CDYL: variants seen among roughly 807,000 people sequenced by gnomAD.
The protein encoded by CDYL is chromodomain Y-like protein.
In CDYL, 8 loss-of-function variants were observed where a neutral mutation model predicts 47.3. That is an observed-to-expected ratio of 0.17 (90% CI 0.10 to 0.31). The LOEUF is 0.31. Ranked by LOEUF, CDYL falls within the 10% of genes least tolerant of loss-of-function variation. The pLI is 1.00. For missense variants in CDYL, 471 were observed against 701.4 expected (o/e 0.67, Z 3.71); for synonymous variants, 266 against 265.0 (o/e 1.00, Z -0.04).
intron 2 of CDYL, among the ~76,000 whole-genome samples, chr6:4,918,379 C>CCT (rs1491380375): frequency 4.0e-5 from 6 of 150,784 alleles, no homozygotes; most frequent in African/African-American, 7.3e-5. Context: ...GCCCCCCCCC[C>CCT]TTTTTTTTGG....
chr6:4,763,755 C>T (rs1187828852), intron 3 of CDYL, among the ~76,000 whole-genome samples: 2 of 152,160 alleles, frequency 1.3e-5, no homozygotes, highest in African/African-American at 2.4e-5. Flanking sequence ...CCAGCCCTGT[C>T]AACATAGTGA....
intron 1 of CDYL, among the ~76,000 whole-genome samples, chr6:4,822,671 G>A (rs1441330225): frequency 1.3e-5 from 2 of 152,138 alleles, no homozygotes; most frequent in African/African-American, 4.8e-5. Flanking sequence ...GGATAAGAGG[G>A]CCCTTTGCCA....
chr6:4,761,099 T>C (rs1000162590), intron 3 of CDYL, among the ~76,000 whole-genome samples: 2 of 152,174 alleles, frequency 1.3e-5, no homozygotes, highest in Non-Finnish European at 1.5e-5. Context: ...TGTGGCAAAA[T>C]TGTTTTTGCT....
intron 1 of CDYL, among the ~76,000 whole-genome samples, chr6:4,850,890 A>G (rs1174208252): frequency 1.3e-5 from 2 of 152,230 alleles, no homozygotes; most frequent in African/African-American, 4.8e-5. Flanking sequence ...CAGAATTCTT[A>G]ACTAACAAGC....
chr6:4,771,649 T>C (rs904005133), upstream of CDYL, among the ~76,000 whole-genome samples: 9 of 152,214 alleles, frequency 5.9e-5, no homozygotes, highest in African/African-American at 2.2e-4. Flanking sequence ...TGGTGGGTCT[T>C]GTGTTTCTAT....
rs1024083178 is a variant in CDYL, at chr6:4,809,569, G to A, written c.24+32762G>A. 4.7e-5 allele frequency among the ~76,000 whole-genome samples: 7 copies of A among 148,274 alleles called. No homozygotes were observed. In the East Asian group the frequency reaches 1.2e-3, roughly 25 times the overall value. On this transcript the variant is annotated intron_variant, in intron 1 of 6. Transcript: ENST00000397588. ...TTAGTCCTTGGTGATATTTTGTATA[G>A]TAGGGGTATTATATTAGTCCTTGGT...
At chr6:4,844,371 T>C (rs1415254640) in intron 1 of CDYL, among the ~76,000 whole-genome samples, 1 of 152,154 alleles carries the variant, frequency 6.6e-6, no homozygotes, top group African/African-American at 2.4e-5. Context: ...GGAGATTATG[T>C]CCTTTGTCTT....
chr6:4,799,220 A>G (rs2127438287), intron 1 of CDYL, among the ~76,000 whole-genome samples: 1 of 152,198 alleles, frequency 6.6e-6, no homozygotes, highest in East Asian at 1.9e-4. Flanking sequence ...GGTTTTTCTA[A>G]ATGTTTTATT....
intron 1 of CDYL, among the ~76,000 whole-genome samples, chr6:4,889,155 C>T (rs1761972227): frequency 6.6e-6 from 1 of 152,188 alleles, no homozygotes; most frequent in African/African-American, 2.4e-5. Flanking sequence ...ATTGCTCCTT[C>T]ACAGTCTGAT....
At chr6:4,898,467 C>T (rs1762350788) in intron 2 of CDYL, among the ~76,000 whole-genome samples, 3 of 152,188 alleles carry the variant, frequency 2.0e-5, no homozygotes. Context: ...CATGTGTTAT[C>T]TTGCTTATTC....
At chr6:4,867,948 T>C (rs994660240) in intron 1 of CDYL, among the ~76,000 whole-genome samples, 26 of 152,126 alleles carry the variant, frequency 1.7e-4, no homozygotes, top group African/African-American at 6.3e-4. Context: ...GTGTAGGTAG[T>C]GATGTCTCCT....
At chr6:4,745,248 C>T (rs1353201796) in intron 3 of CDYL, among the ~76,000 whole-genome samples, 1 of 152,190 alleles carries the variant, frequency 6.6e-6, no homozygotes, top group East Asian at 1.9e-4. Context: ...GCCTGAGCCA[C>T]CTCGCCTGGC....
chr6:4,909,569 C>CATTTTTTT (rs375154033), intron 2 of CDYL, among the ~76,000 whole-genome samples: 1 of 151,802 alleles, frequency 6.6e-6, no homozygotes, highest in African/African-American at 2.4e-5. Flanking sequence ...AAAATTCATA[C>CATTTTTTT]TTTTTTTTGT....
At chr6:4,895,456 C>CGT (rs1209658816) in intron 2 of CDYL, among the ~76,000 whole-genome samples, 117 of 2,644 alleles carry the variant, frequency 0.044, 50 homozygotes, top group Admixed American at 0.05. Flanking sequence ...TGCATATATA[C>CGT]ATGTATACAT....
intron 3 of CDYL, among the ~76,000 whole-genome samples, chr6:4,761,214 T>C (rs1377801945): frequency 6.6e-6 from 1 of 152,202 alleles, no homozygotes; most frequent in East Asian, 1.9e-4. Context: ...ACTCTCCAGT[T>C]ACATATGTGT....
intron 1 of CDYL, among the ~76,000 whole-genome samples, chr6:4,809,169 TAAA>T (rs577621388): frequency 6.6e-6 from 1 of 151,992 alleles, no homozygotes; most frequent in Non-Finnish European, 1.5e-5. Context: ...TTATCTTTCT[TAAA>T]AAAAAGAGCA....
chr6:4,707,446 G>A (rs189750780), intron 1 of CDYL, among the ~76,000 whole-genome samples: 2 of 152,198 alleles, frequency 1.3e-5, no homozygotes, highest in Admixed American at 1.3e-4. Flanking sequence ...CTAATTTTTT[G>A]TATTTTTAAT....
intron 3 of CDYL, among the ~76,000 whole-genome samples, chr6:4,745,383 A>G (rs1169672841): frequency 6.6e-6 from 1 of 151,902 alleles, no homozygotes; most frequent in Non-Finnish European, 1.5e-5. Flanking sequence ...GTATGATTTG[A>G]AGACCTTTTA....
chr6:4,770,180 T>C (rs996300227), intron 3 of CDYL, among the ~76,000 whole-genome samples: 1 of 152,048 alleles, frequency 6.6e-6, no homozygotes, highest in Non-Finnish European at 1.5e-5. Flanking sequence ...TCTATCCTAA[T>C]AGATTGCCAG....
Sources: allele counts gnomAD v4.1 joint callset (sites outside exome capture counted in the v4.1 genomes callset), GRCh38; gene constraint gnomAD v4.1.1; transcripts MANE v1.5; gene names NCBI Gene and HGNC (gene_info 2026-07-23, HGNC 2026-07-21).